TLK2: variants seen among roughly 807,000 people sequenced by gnomAD.
TLK2 encodes serine/threonine-protein kinase tousled-like 2.
TLK2 carries 6 observed loss-of-function variants against 117.3 expected under a neutral mutation model. The ratio of observed to expected loss-of-function variants is 0.05; its 90% CI spans 0.03 to 0.10. TLK2 has a LOEUF of 0.10. Among genes scored for constraint, TLK2 ranks in the 10% least tolerant of loss-of-function variants. The probability of loss-of-function intolerance (pLI) is 1.00; values close to 1 mark genes in which losing one functional copy is unlikely to be tolerated. For missense variants in TLK2, 299 were observed against 901.2 expected (o/e 0.33, Z 8.56); for synonymous variants, 257 against 316.7 (o/e 0.81, Z 2.00).
chr17:62,554,748 G>C (rs2146247431), intron 9 of TLK2, among the ~76,000 whole-genome samples: 1 of 152,142 alleles, frequency 6.6e-6, no homozygotes, highest in South Asian at 2.1e-4. Context: ...AGGCATGGTG[G>C]TGTGTCTGTG....
In TLK2 at chr17:62,532,515, A is replaced by AT. The variant is rs34778024; in HGVS notation, c.364-3647dup. 5.3e-5 allele frequency among the ~76,000 whole-genome samples: 8 copies of AT among 151,862 alleles called. No individual in the cohort carries two copies. In the South Asian group the frequency reaches 1.2e-3, roughly 24 times the overall value. ...TCTTTGTCAGGATCATTTTACTTTTATTTTTTTTGACATGAAAACGTTAAA... is the reference window on the plus strand; with the variant it reads ...TCTTTGTCAGGATCATTTTACTTTTATTTTTTTTTGACATGAAAACGTTAAA... On this transcript the variant is annotated intron_variant, in intron 6 of 21. Coordinates refer to ENST00000346027, the MANE Select transcript of TLK2 (RefSeq NM_006852.6).
At chr17:62,574,092 T>C (rs1330014969) in intron 12 of TLK2, among the ~76,000 whole-genome samples, 4 of 152,260 alleles carry the variant, frequency 2.6e-5, no homozygotes, top group Non-Finnish European at 5.9e-5. Flanking sequence ...ATATAACTTA[T>C]CAACTAATAT....
intron 2 of TLK2, among the ~76,000 whole-genome samples, chr17:62,488,230 G>A (rs1429466314): frequency 1.3e-5 from 2 of 152,152 alleles, no homozygotes; most frequent in East Asian, 1.9e-4. Context: ...CACCGTGCCC[G>A]GGCCAAGGAA....
chr17:62,572,676 G>A (rs2080406360), intron 11 of TLK2, among the ~76,000 whole-genome samples: 1 of 152,104 alleles, frequency 6.6e-6, no homozygotes, highest in African/African-American at 2.4e-5. Context: ...ATCAGTGGGC[G>A]GGGTTGACGT....
At chr17:62,472,498 G>A (rs989141889) in intron 1 of TLK2, among the ~76,000 whole-genome samples, 2 of 151,978 alleles carry the variant, frequency 1.3e-5, no homozygotes, top group Admixed American at 6.6e-5. Context: ...CAGCACTTTG[G>A]GAGGCCAAGG....
chr17:62,555,794 A>G (rs2078820339), intron 9 of TLK2, among the ~76,000 whole-genome samples: 1 of 148,876 alleles, frequency 6.7e-6, no homozygotes, highest in Admixed American at 6.7e-5. Context: ...TTAATTTTAT[A>G]TATTTATTTT....
At chr17:62,528,150 G>A (rs1032907891) in intron 6 of TLK2, among the ~76,000 whole-genome samples, 6 of 152,134 alleles carry the variant, frequency 3.9e-5, no homozygotes, top group Admixed American at 3.3e-4. Flanking sequence ...TGACATGTAA[G>A]CAATAATGTC....
intron 2 of TLK2, among the ~76,000 whole-genome samples, chr17:62,498,240 T>C (rs916270124): frequency 6.6e-6 from 1 of 152,224 alleles, no homozygotes; most frequent in Non-Finnish European, 1.5e-5. Context: ...TTTTGGGATA[T>C]TGGAATTAAT....
intron 2 of TLK2, chr17:62,516,911 C>T: frequency 1.6e-6 from 1 of 626,618 alleles, no homozygotes; most frequent in East Asian, 2.8e-5. Flanking sequence ...CCAGTTTCTC[C>T]AGCACCATTT....
chr17:62,578,002 G>A (rs1598716019), intron 13 of TLK2, among the ~76,000 whole-genome samples: 2 of 152,176 alleles, frequency 1.3e-5, no homozygotes, highest in Non-Finnish European at 2.9e-5. Flanking sequence ...AACCGAGATC[G>A]TGCCATTGCA....
rs1283356141 is a variant in TLK2 at position 62,613,934 on chromosome 17, G to C, written c.*1369G>C. On this transcript the variant is annotated 3_prime_UTR_variant, in exon 22 of 22. Transcript: ENST00000346027. ...AGGTCGGGAGTTCGAGATCAGTCTG[G>C]TCAACATGGTGAAACGCCATCTCTA... 6.6e-6 allele frequency: 1 copy of C among 152,104 alleles called. No individual in the cohort carries two copies. Among genetic ancestry groups the C allele is most frequent in the East Asian group, 1.9e-4 (1 of 5,192 alleles). The allele number at this position is 152,104 out of a possible 1,614,324, so 9.4% of individuals were successfully genotyped here.
In TLK2 at chr17:62,547,038, C is replaced by T. The variant is rs1206355267; in HGVS notation, c.532-5264C>T. ...TTGTAGCTACAGTATACTTTTGATC[C>T]TCTCTGAACCTATTTTATTTTTTTC... is the stretch of plus-strand genomic sequence containing the variant. On this transcript the variant is annotated intron_variant, in intron 7 of 21. Transcript: ENST00000346027. Among the ~76,000 whole-genome samples, 7 of 152,098 alleles carry T rather than the reference C, an allele frequency of 4.6e-5. 1 individual carries two copies. The South Asian group carries it at 1.5e-3, about 32-fold the overall frequency.
chr17:62,498,229 G>A (rs2073881202), intron 2 of TLK2, among the ~76,000 whole-genome samples: 1 of 152,106 alleles, frequency 6.6e-6, no homozygotes, highest in African/African-American at 2.4e-5. Flanking sequence ...GGGCTTTCAG[G>A]TTTTGGGATA....
chr17:62,569,203 G>A (rs1039930384), intron 11 of TLK2, among the ~76,000 whole-genome samples: 1 of 151,000 alleles, frequency 6.6e-6, no homozygotes, highest in African/African-American at 2.4e-5. Flanking sequence ...TACCCAGGAG[G>A]CTGAGACAGA....
chr17:62,499,249 G>A (rs1230731445), intron 2 of TLK2, among the ~76,000 whole-genome samples: 2 of 151,894 alleles, frequency 1.3e-5, no homozygotes, highest in Non-Finnish European at 2.9e-5. Context: ...GCTGAGACAG[G>A]AGAATCGCTT....
intron 7 of TLK2, chr17:62,550,522 A>AC (rs1399853180): frequency 1.3e-5 from 2 of 152,246 alleles, no homozygotes; most frequent in African/African-American, 4.8e-5. Context: ...TGTACCTAGC[A>AC]CCTAGCACAG....
At chr17:62,516,577 C>T (rs1266304590) in intron 2 of TLK2, 4 of 1,609,674 alleles carry the variant, frequency 2.5e-6, no homozygotes, top group Non-Finnish European at 3.4e-6. Flanking sequence ...GAAATGTCTC[C>T]AGGCAAAGTG....
At chr17:62,548,471 C>T (rs1298710066) in intron 7 of TLK2, among the ~76,000 whole-genome samples, 3 of 151,684 alleles carry the variant, frequency 2.0e-5, no homozygotes, top group Admixed American at 6.6e-5. Flanking sequence ...TTAGTAGAGA[C>T]GAGGTTTCAC....
At chr17:62,582,969 T>G (rs2081324434) in intron 15 of TLK2, among the ~76,000 whole-genome samples, 2 of 152,258 alleles carry the variant, frequency 1.3e-5, no homozygotes, top group South Asian at 2.1e-4. Context: ...GCCTTCCTTT[T>G]TAAGATCACT....
Sources: gnomAD v4.1 joint callset for allele counts (sites outside exome capture counted in the v4.1 genomes callset) on GRCh38, gnomAD v4.1.1 for gene constraint, MANE v1.5 for transcripts, NCBI Gene and HGNC (gene_info 2026-07-23, HGNC 2026-07-21) for gene names.